The following BMP7 variants were observed in gnomAD, a reference collection of about 807,000 sequenced individuals.
BMP7 encodes the protein bone morphogenetic protein 7.
A neutral mutation model predicts 41.2 loss-of-function variants in BMP7; 12 were observed. The observed-to-expected ratio is 0.29, with a 90% CI of 0.19 to 0.47. The LOEUF is 0.47. Among genes scored for constraint, BMP7 ranks in the 20% least tolerant of loss-of-function variants. The pLI is 0.99. For missense variants in BMP7, 467 were observed against 606.0 expected (o/e 0.77, Z 2.41); for synonymous variants, 248 against 250.0 (o/e 0.99, Z 0.07).
At chr20:57,231,621 T>C (rs1168663500) in intron 1 of BMP7, among the ~76,000 whole-genome samples, 1 of 152,196 alleles carries the variant, frequency 6.6e-6, no homozygotes, top group African/African-American at 2.4e-5. Context: ...ATCTCTGTTC[T>C]CCACTGCAGC....
At chr20:57,193,611 G>A (rs1273911309) in intron 3 of BMP7, among the ~76,000 whole-genome samples, 8 of 152,154 alleles carry the variant, frequency 5.3e-5, no homozygotes, top group Admixed American at 6.5e-5. Flanking sequence ...GATCATCCAC[G>A]TAGCTGCATT....
intron 2 of BMP7, among the ~76,000 whole-genome samples, chr20:57,227,873 C>T (rs558893934): frequency 3.3e-5 from 5 of 152,214 alleles, no homozygotes; most frequent in South Asian, 2.1e-4. Context: ...TGCCTGACAT[C>T]GTGCACTGGG....
chr20:57,238,566 G>C (rs6099509), intron 1 of BMP7, among the ~76,000 whole-genome samples: 1 of 152,078 alleles, frequency 6.6e-6, no homozygotes, highest in African/African-American at 2.4e-5. Flanking sequence ...TTACCTTCCC[G>C]CCGGCAGTCG....
chr20:57,181,065 C>A (rs1984068683), intron 4 of BMP7, among the ~76,000 whole-genome samples: 1 of 152,170 alleles, frequency 6.6e-6, no homozygotes, highest in Non-Finnish European at 1.5e-5. Flanking sequence ...AGGTGATAAG[C>A]AGCTAATAGC....
At chr20:57,265,640 T>TAGG in intron 1 of BMP7, 65 bp downstream of exon 1, 1 of 1,549,612 alleles carries the variant, frequency 6.5e-7, no homozygotes, top group Non-Finnish European at 8.7e-7. Context: ...AAGAAGCGGC[T>TAGG]CCCTCCCTCC....
intron 4 of BMP7, among the ~76,000 whole-genome samples, chr20:57,182,953 G>A (rs983508657): frequency 1.3e-5 from 2 of 152,178 alleles, no homozygotes; most frequent in Non-Finnish European, 2.9e-5. Context: ...CCTACCACCT[G>A]GCCGGGTGCA....
At chr20:57,223,983 G>A (rs1186643199) in intron 2 of BMP7, among the ~76,000 whole-genome samples, 1 of 152,176 alleles carries the variant, frequency 6.6e-6, no homozygotes, top group African/African-American at 2.4e-5. Flanking sequence ...ACCACATCCA[G>A]CCCCACCTAC....
intron 3 of BMP7, among the ~76,000 whole-genome samples, chr20:57,194,428 G>A (rs1471914868): frequency 6.6e-6 from 1 of 152,054 alleles, no homozygotes; most frequent in Non-Finnish European, 1.5e-5. Flanking sequence ...TAAACAGCAG[G>A]CAAAAACGAA....
At chr20:57,209,612 A>G (rs1281415119) in intron 2 of BMP7, among the ~76,000 whole-genome samples, 1 of 152,148 alleles carries the variant, frequency 6.6e-6, no homozygotes, top group Non-Finnish European at 1.5e-5. Flanking sequence ...ACCAAAAACC[A>G]CTGAATTATA....
intron 2 of BMP7, among the ~76,000 whole-genome samples, chr20:57,205,000 T>C (rs1163675846): frequency 6.6e-6 from 1 of 152,170 alleles, no homozygotes; most frequent in Non-Finnish European, 1.5e-5. Flanking sequence ...CCTTTCTGTT[T>C]TTCCATCTTC....
rs565323426 is a variant in BMP7, at chr20:57,214,995, G to T, written c.612-12372C>A. 1 of 152,354 alleles carries T rather than the reference G, an allele frequency of 6.6e-6. No homozygotes were observed. Among genetic ancestry groups the T allele is most frequent in the South Asian group, 2.1e-4 (1 of 4,832 alleles). The allele number at this position is 152,354 out of a possible 1,614,324, so 9.4% of individuals were successfully genotyped here. A position where few individuals can be genotyped will look rare whatever the true frequency, so the allele number is the denominator to read the frequency against. Reference sequence around the variant, plus strand: ...TCCAATAGTTTACATTATTAAAAGAGAAATGGTAAATACTTTTTCAGATTA... The same window carrying T: ...TCCAATAGTTTACATTATTAAAAGATAAATGGTAAATACTTTTTCAGATTA... On this transcript the variant is annotated intron_variant, in intron 2 of 6. Coordinates refer to ENST00000395863, the MANE Select transcript of BMP7 (RefSeq NM_001719.3). This position sits in a 1 kb window ranked among gnomAD's most constrained non-coding sequence, Gnocchi z 4.0.
chr20:57,231,408 T>C (rs1356935915), intron 1 of BMP7, among the ~76,000 whole-genome samples: 1 of 152,230 alleles, frequency 6.6e-6, no homozygotes, highest in Non-Finnish European at 1.5e-5. Flanking sequence ...GCATTGTGCA[T>C]TGCAGCTTTA....
intron 2 of BMP7, among the ~76,000 whole-genome samples, chr20:57,212,343 G>A (rs1175616476): frequency 6.6e-6 from 1 of 152,242 alleles, no homozygotes; most frequent in African/African-American, 2.4e-5. Context: ...GGGCACAGGT[G>A]CACGATGTCC....
At chr20:57,197,760 G>A (rs868553541) in intron 3 of BMP7, among the ~76,000 whole-genome samples, 4 of 152,206 alleles carry the variant, frequency 2.6e-5, no homozygotes, top group East Asian at 1.9e-4. Context: ...TCTTCCAGCC[G>A]CCTACAGAAT....
In BMP7 at chr20:57,266,552, C is replaced by A. The variant is rs997341184; in HGVS notation, c.-430G>T. ...GCGGCGGCAACCCACCCTCTTCCAA[C>A]CTCCGGCGCGGATAGCAGGGGCCCC... On this transcript the variant is annotated 5_prime_UTR_variant, in exon 1 of 7. Transcript: ENST00000395863. The A allele has an allele frequency of 6.5e-6, 1 of 153,776 alleles. No homozygotes were observed. The highest frequency in any genetic ancestry group is 2.4e-5 in the African/African-American group (1 of 41,552). The allele number at this position is 153,776 out of a possible 1,614,324, so 9.5% of individuals were successfully genotyped here. A position where few individuals can be genotyped will look rare whatever the true frequency, so the allele number is the denominator to read the frequency against.
intron 3 of BMP7, among the ~76,000 whole-genome samples, chr20:57,201,268 T>G (rs1377309813): frequency 1.3e-5 from 2 of 152,212 alleles, no homozygotes; most frequent in Non-Finnish European, 2.9e-5. Context: ...GCATGCTGGA[T>G]GAGAAAGCCC....
At chr20:57,262,490 A>G (rs547295230) in intron 1 of BMP7, among the ~76,000 whole-genome samples, 1 of 152,246 alleles carries the variant, frequency 6.6e-6, no homozygotes, top group African/African-American at 2.4e-5. Context: ...TTTCCCCTCT[A>G]GTTTAGATCC....
intron 3 of BMP7, among the ~76,000 whole-genome samples, chr20:57,191,080 A>T (rs1419766869): frequency 6.6e-6 from 1 of 152,162 alleles, no homozygotes; most frequent in African/African-American, 2.4e-5. Flanking sequence ...ACACTCCCTA[A>T]ACAAGCCAAG....
intron 1 of BMP7, among the ~76,000 whole-genome samples, chr20:57,236,999 C>T (rs190175712): frequency 1.4e-4 from 22 of 152,278 alleles, no homozygotes; most frequent in Admixed American, 6.5e-4. Context: ...CCAGACTATG[C>T]GGCCCTCTCA....
Sources: gnomAD v4.1 joint callset for allele counts (sites outside exome capture counted in the v4.1 genomes callset) on GRCh38, gnomAD v4.1.1 for gene constraint, Gnocchi (gnomAD v3.1) non-coding constraint, MANE v1.5 for transcripts, NCBI Gene and HGNC (gene_info 2026-07-23, HGNC 2026-07-21) for gene names.